The following SLC44A5 variants were observed in gnomAD, a reference collection of about 807,000 sequenced individuals.
SLC44A5 encodes solute carrier family 44 member 5.
Under a neutral mutation model 101.8 loss-of-function variants are expected in SLC44A5, and 57 were observed. The observed-to-expected ratio is 0.56, with a 90% CI of 0.45 to 0.70. The LOEUF is 0.70. Among genes scored for constraint, SLC44A5 ranks in the 30% least tolerant of loss-of-function variants. The pLI is 0.00. For synonymous variants in SLC44A5, 281 were observed against 290.9 expected (o/e 0.97, Z 0.35); for missense variants, 737 against 853.1 (o/e 0.86, Z 1.70).
At chr1:75,661,041 G>A in the SLC44A5 span, among the ~76,000 whole-genome samples, 3 of 152,032 alleles carry the variant, frequency 2.0e-5, no homozygotes, top group Admixed American at 6.6e-5. Flanking sequence ...GCAATTCTGA[G>A]CACAAAGAAC....
the SLC44A5 span, among the ~76,000 whole-genome samples, chr1:75,705,801 C>T: frequency 2.6e-5 from 4 of 152,142 alleles, no homozygotes; most frequent in Non-Finnish European, 5.9e-5. Context: ...TAGCCTCAGC[C>T]TCCCAGGTAG....
chr1:75,502,885 G>A (rs372331844), intron 2 of SLC44A5, among the ~76,000 whole-genome samples: 25 of 151,984 alleles, frequency 1.6e-4, no homozygotes, highest in Admixed American at 9.8e-4. Flanking sequence ...TAAGAGTGGG[G>A]GCTCCGCCTT....
At chr1:75,683,155 G>A in the SLC44A5 span, among the ~76,000 whole-genome samples, 1 of 151,406 alleles carries the variant, frequency 6.6e-6, no homozygotes, top group Non-Finnish European at 1.5e-5. Flanking sequence ...TACACTGTTG[G>A]TGGGACTGTA....
chr1:75,370,577 T>C (rs894933197), intron 3 of SLC44A5, among the ~76,000 whole-genome samples: 2 of 152,186 alleles, frequency 1.3e-5, no homozygotes, highest in African/African-American at 4.8e-5. Flanking sequence ...AGAGAGAAGA[T>C]GGAAGTAACA....
intron 1 of SLC44A5, among the ~76,000 whole-genome samples, chr1:75,544,047 T>C (rs1299365753): frequency 6.6e-6 from 1 of 152,156 alleles, no homozygotes; most frequent in Admixed American, 6.6e-5. Context: ...AGTTTTCCCC[T>C]CTCAAACTTA....
At chr1:75,599,110 A>G (rs2102140924) in intron 1 of SLC44A5, among the ~76,000 whole-genome samples, 1 of 152,270 alleles carries the variant, frequency 6.6e-6, no homozygotes, top group Non-Finnish European at 1.5e-5. Flanking sequence ...TGATTCATTC[A>G]ATAAATGTTC....
chr1:75,698,626 A>G, the SLC44A5 span, among the ~76,000 whole-genome samples: 737 of 152,368 alleles, frequency 4.8e-3, 4 homozygotes, highest in Non-Finnish European at 6.5e-3. Context: ...GCAGTTCCTC[A>G]CCAGCAATGG....
At chr1:75,220,783 G>A (rs1354126073) in intron 14 of SLC44A5, among the ~76,000 whole-genome samples, 1 of 152,016 alleles carries the variant, frequency 6.6e-6, no homozygotes, top group Non-Finnish European at 1.5e-5. Flanking sequence ...CACTCCTAAT[G>A]CATTGATGCT....
chr1:75,634,161 A>G, the SLC44A5 span, among the ~76,000 whole-genome samples: 1 of 152,110 alleles, frequency 6.6e-6, no homozygotes, highest in Non-Finnish European at 1.5e-5. Flanking sequence ...ATGTTCATCA[A>G]GGATATTGGT....
intron 5 of SLC44A5, among the ~76,000 whole-genome samples, chr1:75,277,721 T>C (rs1461769926): frequency 1.3e-5 from 2 of 151,784 alleles, no homozygotes; most frequent in African/African-American, 4.8e-5. Context: ...GATCTGAGTG[T>C]CTGGGGATAA....
intron 12 of SLC44A5, among the ~76,000 whole-genome samples, chr1:75,233,471 C>A (rs1006292339): frequency 6.6e-6 from 1 of 151,946 alleles, no homozygotes; most frequent in African/African-American, 2.4e-5. Flanking sequence ...ACAGACAGTA[C>A]TGTAATTCTC....
Position 75,353,516 on chromosome 1 carries a change from G to A in SLC44A5, c.53-13886C>T, listed in dbSNP as rs569663896. 1.4e-4 allele frequency among the ~76,000 whole-genome samples: 21 copies of A among 152,272 alleles called. No individual in the cohort carries two copies. The South Asian group carries it at 4.3e-3, about 32-fold the overall frequency. On this transcript the variant is annotated intron_variant, in intron 3 of 23. Transcript: ENST00000370859. ...AGAACAGTGGTTCTGGATCATAGTA[G>A]ATGCTGATTAAATATTTGCTATGAA...
At chr1:75,661,414 A>AAAAAAAAC in the SLC44A5 span, among the ~76,000 whole-genome samples, 1 of 132,172 alleles carries the variant, frequency 7.6e-6, no homozygotes, top group Admixed American at 7.8e-5. Flanking sequence ...AAAAAAAAAA[A>AAAAAAAAC]ACACCATGGA....
chr1:75,335,184 T>C (rs1191965338), intron 4 of SLC44A5, among the ~76,000 whole-genome samples: 2 of 152,208 alleles, frequency 1.3e-5, no homozygotes, highest in African/African-American at 4.8e-5. Context: ...AATGCTTGAA[T>C]AAACTCTCTG....
intron 20 of SLC44A5, 97 bp downstream of exon 20, chr1:75,214,508 A>G: frequency 1.2e-6 from 1 of 846,630 alleles, no homozygotes; most frequent in Non-Finnish European, 1.8e-6. Flanking sequence ...ATTCATATCC[A>G]ATAATGCCAC....
intron 2 of SLC44A5, among the ~76,000 whole-genome samples, chr1:75,536,989 G>C (rs1409953437): frequency 1.1e-5 from 1 of 90,854 alleles, no homozygotes; most frequent in Non-Finnish European, 2.0e-5. Context: ...CTGGGCGACA[G>C]AGCGAGACTC....
At chr1:75,652,435 G>C in the SLC44A5 span, among the ~76,000 whole-genome samples, 1 of 152,162 alleles carries the variant, frequency 6.6e-6, no homozygotes, top group Non-Finnish European at 1.5e-5. Context: ...AATTGAGGTT[G>C]CTGCAGACTT....
chr1:75,537,033 A>AAAAAAAAAAAAAAAAAAATATATAT (rs35829590), intron 2 of SLC44A5, among the ~76,000 whole-genome samples: 1 of 43,026 alleles, frequency 2.3e-5, no homozygotes, highest in Non-Finnish European at 5.8e-5. Context: ...AAAAAAAAAA[A>AAAAAAAAAAAAAAAAAAATATATAT]ATATATATCT....
intron 6 of SLC44A5, among the ~76,000 whole-genome samples, chr1:75,255,005 G>C (rs1268603972): frequency 6.6e-6 from 1 of 152,134 alleles, no homozygotes; most frequent in African/African-American, 2.4e-5. Flanking sequence ...ATGACCTGTG[G>C]GTTGCACAAG....
Sources: gnomAD v4.1 joint callset for allele counts (sites outside exome capture counted in the v4.1 genomes callset) on GRCh38, gnomAD v4.1.1 for gene constraint, MANE v1.5 for transcripts, NCBI Gene and HGNC (gene_info 2026-07-23, HGNC 2026-07-21) for gene names.